Variants in XKR6 observed in about 807,000 individuals in gnomAD.
XKR6 encodes XK-related protein 6.
In XKR6, 22 loss-of-function variants were observed where a neutral mutation model predicts 56.7. The ratio of observed to expected loss-of-function variants is 0.39; its 90% CI spans 0.28 to 0.55. The LOEUF is 0.55. Among genes scored for constraint, XKR6 ranks in the 20% least tolerant of loss-of-function variants. The pLI, the probability that XKR6 is intolerant of heterozygous loss-of-function variation, is 0.66. For synonymous variants in XKR6, 524 were observed against 387.8 expected (o/e 1.35, Z -4.13); for missense variants, 852 against 889.0 (o/e 0.96, Z 0.53).
At chr8:10,916,410 A>C (rs1037006833) in intron 2 of XKR6, among the ~76,000 whole-genome samples, 1 of 152,214 alleles carries the variant, frequency 6.6e-6, no homozygotes, top group African/African-American at 2.4e-5. Flanking sequence ...CTTGATTTAG[A>C]GACGGTGACA....
At position 10,896,420 on chromosome 8, in the gene XKR6, A is replaced by T. The variant is rs1799883350; in HGVS notation, c.*1532T>A. 6.6e-6 allele frequency: 1 copy of T among 152,328 alleles called. No homozygotes were observed. The highest frequency in any genetic ancestry group is 2.4e-5 in the African/African-American group (1 of 41,338). 9.4% of individuals were successfully genotyped at this position (152,328 alleles called of 1,614,324 possible). ...CGTGGGCAGGCAGCATCACTTCCCC[A>T]CCACTCCAGAGCCCCCGCCCCCATG... On this transcript the variant is annotated 3_prime_UTR_variant, in exon 3 of 3. Coordinates refer to ENST00000416569, the MANE Select transcript of XKR6 (RefSeq NM_173683.4).
chr8:11,012,602 C>T (rs1798526343), intron 1 of XKR6, among the ~76,000 whole-genome samples: 1 of 152,058 alleles, frequency 6.6e-6, no homozygotes, highest in African/African-American at 2.4e-5. Flanking sequence ...GAAATGTAAA[C>T]TATAGAAAAA....
intron 1 of XKR6, among the ~76,000 whole-genome samples, chr8:11,196,113 G>T (rs965797171): frequency 1.3e-5 from 2 of 151,884 alleles, no homozygotes. Flanking sequence ...CCACACAAAC[G>T]AATCTCCTCA....
At chr8:11,100,411 A>C (rs182903675) in intron 1 of XKR6, among the ~76,000 whole-genome samples, 7 of 152,314 alleles carry the variant, frequency 4.6e-5, no homozygotes, top group Admixed American at 4.6e-4. Context: ...CCTTCCACCT[A>C]ATGGGACACG....
chr8:11,094,715 C>T (rs1191894407), intron 1 of XKR6, among the ~76,000 whole-genome samples: 1 of 152,166 alleles, frequency 6.6e-6, no homozygotes, highest in African/African-American at 2.4e-5. Context: ...TCCTCACAGA[C>T]CTCTGGGGTG....
At position 11,200,895 on chromosome 8, in the gene XKR6, G is replaced by A. The variant is rs1804186254; in HGVS notation, c.445C>T (p.Leu149=). 6.2e-7 allele frequency: 1 copy of A among 1,610,704 alleles called. No individual in the cohort carries two copies. Among genetic ancestry groups the A allele is most frequent in the Non-Finnish European group, 8.5e-7 (1 of 1,179,310 alleles). The part of the protein sequence containing the change: ...FFGDVGTDLW[L]ALDYYRKGDY... ...CCCTTGCGGTAGTAGTCGAGGGCCA[G>A]CCACAGGTCGGTGCCCACGTCCCCG... Residue 149 remains leucine, a synonymous_variant, in exon 1 of 3, where the codon CTG becomes TTG. Coordinates refer to ENST00000416569, the MANE Select transcript of XKR6 (RefSeq NM_173683.4). This position sits in a 1 kb window ranked among gnomAD's most constrained non-coding sequence, Gnocchi z 6.4.
At chr8:11,058,287 C>T (rs1156708584) in intron 1 of XKR6, among the ~76,000 whole-genome samples, 1 of 152,050 alleles carries the variant, frequency 6.6e-6, no homozygotes, top group African/African-American at 2.4e-5. Context: ...GGATCTAGTA[C>T]CAGAAATGCC....
chr8:10,968,902 C>G (rs1382623411), intron 1 of XKR6, among the ~76,000 whole-genome samples: 1 of 152,236 alleles, frequency 6.6e-6, no homozygotes, highest in East Asian at 1.9e-4. Flanking sequence ...TCTGCCCTCT[C>G]AGTAACAGGA....
intron 1 of XKR6, among the ~76,000 whole-genome samples, chr8:11,014,574 T>C (rs1444490137): frequency 6.6e-6 from 1 of 152,132 alleles, no homozygotes; most frequent in Non-Finnish European, 1.5e-5. Flanking sequence ...CAGCAGCACC[T>C]TCCCAGGTTT....
intron 1 of XKR6, chr8:11,124,904 G>T (rs1799685426): frequency 6.6e-6 from 1 of 150,416 alleles, no homozygotes; most frequent in African/African-American, 2.5e-5. Context: ...CTAACACGGT[G>T]AAACCCCGTC....
At chr8:11,132,959 AAG>A (rs1176651027) in intron 1 of XKR6, among the ~76,000 whole-genome samples, 1 of 152,148 alleles carries the variant, frequency 6.6e-6, no homozygotes, top group Non-Finnish European at 1.5e-5. Flanking sequence ...AGTAAAAAAG[AAG>A]AGTTAAAAAT....
chr8:10,974,288 C>T (rs533660603), intron 1 of XKR6, among the ~76,000 whole-genome samples: 3 of 152,232 alleles, frequency 2.0e-5, no homozygotes, highest in Admixed American at 1.3e-4. Flanking sequence ...AAATATGCTG[C>T]ACCTGAGAGG....
chr8:11,072,918 C>T lies in XKR6; in HGVS notation c.764+127658G>A, dbSNP rs548546606. Among the ~76,000 whole-genome samples the T allele has an allele frequency of 7.3e-4, 111 of 152,234 alleles. 1 individual carries two copies. Among genetic ancestry groups the T allele is most frequent in the African/African-American group, 2.2e-3 (93 of 41,548 alleles). The stretch of plus-strand genomic sequence containing the variant: ...TACAAAAATTAGCCGGGCGTGGTGG[C>T]GGGTGCCTGTAATCCCAGCTACTAA... On this transcript the variant is annotated intron_variant, in intron 1 of 2. Transcript: ENST00000416569.
At chr8:10,943,753 T>C (rs1801454127) in intron 1 of XKR6, among the ~76,000 whole-genome samples, 1 of 152,118 alleles carries the variant, frequency 6.6e-6, no homozygotes, top group Non-Finnish European at 1.5e-5. Flanking sequence ...ACCCAGGTGG[T>C]TGACTCGAGA....
intron 1 of XKR6, among the ~76,000 whole-genome samples, chr8:11,140,870 C>T (rs892884355): frequency 6.8e-6 from 1 of 146,508 alleles, no homozygotes; most frequent in Non-Finnish European, 1.5e-5. Context: ...TGGACTCCAG[C>T]CTGGGCGACA....
At chr8:11,100,887 G>C (rs529923539) in intron 1 of XKR6, among the ~76,000 whole-genome samples, 4 of 152,322 alleles carry the variant, frequency 2.6e-5, no homozygotes, top group African/African-American at 7.2e-5. Flanking sequence ...CCGCAAATGT[G>C]ATTTATGGGA....
intron 1 of XKR6, among the ~76,000 whole-genome samples, chr8:11,055,541 G>A (rs940431932): frequency 2.8e-4 from 43 of 152,172 alleles, no homozygotes; most frequent in African/African-American, 9.9e-4. Context: ...GAGCGGCATG[G>A]GGTTCCGCCC....
At chr8:10,931,584 C>T (rs955576098) in intron 1 of XKR6, among the ~76,000 whole-genome samples, 6 of 151,946 alleles carry the variant, frequency 3.9e-5, no homozygotes, top group East Asian at 1.9e-4. Context: ...CAGAAGAGTC[C>T]GGAAGAAGAC....
chr8:11,193,711 A>C (rs1453655090), intron 1 of XKR6, among the ~76,000 whole-genome samples: 1 of 151,066 alleles, frequency 6.6e-6, no homozygotes, highest in Non-Finnish European at 1.5e-5. Context: ...CAAACAACAA[A>C]TTACAGCAGG....
Sources: allele counts gnomAD v4.1 joint callset (sites outside exome capture counted in the v4.1 genomes callset), GRCh38; gene constraint gnomAD v4.1.1; non-coding constraint Gnocchi (gnomAD v3.1); transcripts MANE v1.5; gene names NCBI Gene and HGNC (gene_info 2026-07-23, HGNC 2026-07-21).